DLGAP1: variants seen among roughly 807,000 people sequenced by gnomAD.
DLGAP1 encodes disks large-associated protein 1.
A neutral mutation model predicts 90.8 loss-of-function variants in DLGAP1; 11 were observed. The observed-to-expected ratio is 0.12, with a 90% confidence interval of 0.08 to 0.20. The LOEUF (loss-of-function observed/expected upper bound fraction) is 0.20, where lower values mean the gene tolerates loss of function less well. Ranked by LOEUF, DLGAP1 falls within the 10% of genes least tolerant of loss-of-function variation. The probability of loss-of-function intolerance (pLI) is 1.00; values close to 1 mark genes in which losing one functional copy is unlikely to be tolerated. For missense variants in DLGAP1, 1,050 were observed against 1,333.8 expected (o/e 0.79, Z 3.31); for synonymous variants, 558 against 540.7 (o/e 1.03, Z -0.44).
At chr18:3,864,477 C>T (rs559952701) in intron 4 of DLGAP1, among the ~76,000 whole-genome samples, 1 of 152,138 alleles carries the variant, frequency 6.6e-6, no homozygotes, top group Admixed American at 6.5e-5. Flanking sequence ...TTAGGACTAA[C>T]CCTTATTTTA....
chr18:3,781,552 A>G (rs1037690313), intron 5 of DLGAP1, among the ~76,000 whole-genome samples: 7 of 151,650 alleles, frequency 4.6e-5, no homozygotes, highest in African/African-American at 1.7e-4. Context: ...ATGGGGTTTC[A>G]CCATGTTGGC....
At chr18:3,912,876 T>A (rs987080292) in intron 3 of DLGAP1, among the ~76,000 whole-genome samples, 1 of 152,018 alleles carries the variant, frequency 6.6e-6, no homozygotes, top group South Asian at 2.1e-4. Flanking sequence ...CTGTGTAGGG[T>A]TGGGTGTGGT....
intron 1 of DLGAP1, among the ~76,000 whole-genome samples, chr18:4,374,241 C>T (rs543720432): frequency 6.6e-6 from 1 of 152,016 alleles, no homozygotes; most frequent in African/African-American, 2.4e-5. Context: ...TTCCAAAATT[C>T]GTAAGAAAAC....
At chr18:3,543,322 C>G (rs2052810462) in intron 9 of DLGAP1, among the ~76,000 whole-genome samples, 1 of 152,238 alleles carries the variant, frequency 6.6e-6, no homozygotes, top group Non-Finnish European at 1.5e-5. Context: ...AGGCGCCCAC[C>G]ACCACGCCTG....
chr18:3,840,072 G>A (rs10502314), intron 4 of DLGAP1, among the ~76,000 whole-genome samples: 16,526 of 152,112 alleles, frequency 0.11, 991 homozygotes, highest in Middle Eastern at 0.13. Flanking sequence ...CTCTGACCAC[G>A]TATTTAGGCA....
At chr18:3,840,701 G>A (rs574498409) in intron 4 of DLGAP1, among the ~76,000 whole-genome samples, 2 of 152,220 alleles carry the variant, frequency 1.3e-5, no homozygotes, top group African/African-American at 4.8e-5. Context: ...ATTGTTAATC[G>A]AGTACTTACT....
At chr18:3,950,781 A>C (rs1424229368) in intron 3 of DLGAP1, among the ~76,000 whole-genome samples, 2 of 152,204 alleles carry the variant, frequency 1.3e-5, no homozygotes, top group Admixed American at 1.3e-4. Flanking sequence ...CTGATTTTTT[A>C]CCAGCCCTTA....
At chr18:4,036,667 T>C (rs1410130186) in intron 2 of DLGAP1, among the ~76,000 whole-genome samples, 3 of 152,208 alleles carry the variant, frequency 2.0e-5, no homozygotes, top group African/African-American at 7.2e-5. Context: ...TTTAGCTTGT[T>C]TGCTCTTTTA....
At chr18:3,506,600 A>G (rs1689062916) in intron 11 of DLGAP1, among the ~76,000 whole-genome samples, 1 of 151,682 alleles carries the variant, frequency 6.6e-6, no homozygotes, top group African/African-American at 2.4e-5. Flanking sequence ...TTTTGTTTGC[A>G]ATTTCATCTT....
chr18:3,551,784 T>C (rs1343560430), intron 9 of DLGAP1, among the ~76,000 whole-genome samples: 14 of 125,452 alleles, frequency 1.1e-4, no homozygotes, highest in African/African-American at 4.3e-4. Flanking sequence ...TCCTTCCTTT[T>C]TTTCTTTCTT....
chr18:3,673,757 G>A (rs1040238332), intron 7 of DLGAP1, among the ~76,000 whole-genome samples: 12 of 151,274 alleles, frequency 7.9e-5, no homozygotes, highest in Non-Finnish European at 1.5e-4. Context: ...TGTTGGCCAC[G>A]CTGGTCTCAA....
chr18:4,088,357 C>T (rs180886698), intron 2 of DLGAP1, among the ~76,000 whole-genome samples: 3 of 152,256 alleles, frequency 2.0e-5, no homozygotes, highest in Admixed American at 2.0e-4. Context: ...TTCCTTTAGA[C>T]AGTCAACTAT....
At chr18:3,866,849 T>A (rs539270119) in intron 4 of DLGAP1, among the ~76,000 whole-genome samples, 1 of 152,288 alleles carries the variant, frequency 6.6e-6, no homozygotes, top group South Asian at 2.1e-4. Flanking sequence ...TATTTTTTAT[T>A]TTATTTATAT....
intron 1 of DLGAP1, among the ~76,000 whole-genome samples, chr18:4,343,023 T>C (rs117499379): frequency 0.037 from 5,613 of 152,148 alleles, 110 homozygotes; most frequent in Non-Finnish European, 0.049. Context: ...GTTTGGATTA[T>C]GGGGCCGGGC....
chr18:3,510,389 ATGGG>A (rs1344499673), intron 10 of DLGAP1, among the ~76,000 whole-genome samples: 4 of 152,252 alleles, frequency 2.6e-5, no homozygotes, highest in Non-Finnish European at 5.9e-5. Flanking sequence ...TACCTCTTCT[ATGGG>A]TGTGCCCACT....
intron 1 of DLGAP1, among the ~76,000 whole-genome samples, chr18:4,336,146 C>A (rs2143790560): frequency 6.6e-6 from 1 of 152,346 alleles, no homozygotes. Flanking sequence ...GACCCACACA[C>A]CATTCATAGG....
chr18:3,615,543 T>C (rs890356799), intron 7 of DLGAP1, among the ~76,000 whole-genome samples: 2 of 152,108 alleles, frequency 1.3e-5, no homozygotes, highest in Non-Finnish European at 2.9e-5. Flanking sequence ...AAGGGAGATG[T>C]TGACAGCAGA....
rs746673095 is a variant in DLGAP1, at chr18:3,742,315, G to A, written c.1350+20C>T. 19 of 1,609,192 alleles carry A rather than the reference G, an allele frequency of 1.2e-5. No individual in the cohort carries two copies. The highest frequency in any genetic ancestry group is 6.7e-5 in the East Asian group (3 of 44,734). On this transcript the variant is annotated intron_variant, in intron 6 of 12. Transcript: ENST00000315677. Reference sequence around the variant, plus strand: ...CTGCCACTAATGGCTCCTGACCACCGCTGCCCTGACGGCCCTCACCTGGCT... The same window carrying A: ...CTGCCACTAATGGCTCCTGACCACCACTGCCCTGACGGCCCTCACCTGGCT...
At chr18:4,123,634 G>A (rs2076187972) in intron 2 of DLGAP1, among the ~76,000 whole-genome samples, 1 of 152,202 alleles carries the variant, frequency 6.6e-6, no homozygotes, top group Non-Finnish European at 1.5e-5. Context: ...CACTGGAGCT[G>A]CTGAACGAAC....
Sources: allele counts gnomAD v4.1 joint callset (sites outside exome capture counted in the v4.1 genomes callset), GRCh38; gene constraint gnomAD v4.1.1; transcripts MANE v1.5; gene names NCBI Gene and HGNC (gene_info 2026-07-23, HGNC 2026-07-21).